The following PCDHGA2 variants were observed in gnomAD, a reference collection of about 807,000 sequenced individuals.
PCDHGA2 encodes protocadherin gamma-A2.
A neutral mutation model predicts 59.2 loss-of-function variants in PCDHGA2; 40 were observed. The ratio of observed to expected loss-of-function variants is 0.68; its 90% CI spans 0.52 to 0.88. The LOEUF (loss-of-function observed/expected upper bound fraction) is 0.88. Ranked by LOEUF, PCDHGA2 falls within the 40% of genes least tolerant of loss-of-function variation. PCDHGA2 has a pLI of 0.00. For missense variants in PCDHGA2, 1,226 were observed against 1,204.0 expected, an observed-to-expected ratio of 1.02 and a Z score of -0.27; for synonymous variants, 560 against 526.0, an observed-to-expected ratio of 1.06 and a Z score of -0.89.
chr5:141,358,072 C>T (rs1434661708), intron 1 of PCDHGA2, among the ~76,000 whole-genome samples: 2 of 152,178 alleles, frequency 1.3e-5, no homozygotes, highest in Non-Finnish European at 2.9e-5. Context: ...TGCCCGTAGT[C>T]CCAGCTACCC....
Position 141,489,471 on chromosome 5 carries a change from G to A in PCDHGA2, c.2425-5336G>A. ...AGGAGAATGGGCGCTATTTTTCCCT[G>A]AGCTTGATGAGTGGTGCCCTGGCAG... On this transcript the variant is annotated intron_variant, in intron 1 of 3. Transcript: ENST00000394576. This position sits in a 1 kb window ranked among gnomAD's most constrained non-coding sequence, Gnocchi z 4.5. 1 of 1,614,074 alleles carries A rather than the reference G, an allele frequency of 6.2e-7. No homozygotes were observed. The highest frequency in any genetic ancestry group is 8.5e-7 in the Non-Finnish European group (1 of 1,180,026).
chr5:141,339,456 T>A lies in PCDHGA2; in HGVS notation c.485T>A (p.Val162Glu). The A allele has an allele frequency of 6.2e-7, 1 of 1,614,246 alleles. No individual in the cohort carries two copies. Among genetic ancestry groups the A allele is most frequent in the Non-Finnish European group, 8.5e-7 (1 of 1,180,042 alleles). ...IPLKNAHDADVGENALQKYAL... is the reference protein window; with the variant it reads ...IPLKNAHDADEGENALQKYAL... Reference sequence around the variant, plus strand: ...CTTAAGAATGCGCATGATGCAGACGTAGGTGAGAACGCCCTTCAGAAGTAC... The same window carrying A: ...CTTAAGAATGCGCATGATGCAGACGAAGGTGAGAACGCCCTTCAGAAGTAC... The change falls in exon 1 of 4, where the codon GTA (valine) becomes GAA (glutamate). Residue 162 changes from valine (V) to glutamate (E), a missense_variant. By Grantham distance (121) the Val-to-Glu change is moderately radical. Coordinates refer to ENST00000394576, the MANE Select transcript of PCDHGA2 (RefSeq NM_018915.4).
chr5:141,487,811 A>C lies in PCDHGA2; in HGVS notation c.2425-6996A>C, dbSNP rs1389081995. 2 of 1,414,662 alleles carry C rather than the reference A, an allele frequency of 1.4e-6. No homozygotes were observed. The highest frequency in any genetic ancestry group is 1.9e-6 in the Non-Finnish European group (2 of 1,041,698). The allele number at this position is 1,414,662 out of a possible 1,614,324, so 87.6% of individuals were successfully genotyped here. On this transcript the variant is annotated intron_variant, in intron 1 of 3. Coordinates refer to ENST00000394576, the MANE Select transcript of PCDHGA2 (RefSeq NM_018915.4). This position sits in a 1 kb window ranked among gnomAD's most constrained non-coding sequence, Gnocchi z 5.0. ...TTAACCAGAGTTGTCACAGTTTAGC[A>C]TTGGGGGCGGGTCATGCCTATATCT...
intron 1 of PCDHGA2, chr5:141,394,749 G>C (rs1270810324): frequency 1.2e-6 from 2 of 1,613,424 alleles, no homozygotes; most frequent in Admixed American, 1.7e-5. Context: ...CGTGGTGGCC[G>C]TCCAGGACCA....
In PCDHGA2 at chr5:141,432,700, G is replaced by C. The variant is rs1320099367; in HGVS notation, c.2425-62107G>C. 4 of 1,613,980 alleles carry C rather than the reference G, an allele frequency of 2.5e-6. No individual in the cohort carries two copies. In the Admixed American group the frequency reaches 6.7e-5, roughly 27 times the overall value. ...AGCAGAGCCTCGTAGTGGCCGTCCA[G>C]GACCACGGCCAGCCCCCTCTCTCCG... On this transcript the variant is annotated intron_variant, in intron 1 of 3. Coordinates refer to ENST00000394576, the MANE Select transcript of PCDHGA2 (RefSeq NM_018915.4). The surrounding 1 kb of genome is among the most constrained non-coding windows in gnomAD (Gnocchi z 6.0).
chr5:141,415,873 G>A lies in PCDHGA2; in HGVS notation c.2424+74478G>A, dbSNP rs905638480. The A allele has an allele frequency of 9.6e-6, 10 of 1,046,220 alleles. No homozygotes were observed. In the East Asian group the frequency reaches 1.8e-4, roughly 19 times the overall value. The allele number at this position is 1,046,220 out of a possible 1,614,324, so 64.8% of individuals were successfully genotyped here. A position where few individuals can be genotyped will look rare whatever the true frequency, so the allele number is the denominator to read the frequency against. On this transcript the variant is annotated intron_variant, in intron 1 of 3. Transcript: ENST00000394576. ...ACCTTGTAGTTTATAGTGTTGTTGA[G>A]TACAATATTGACAATTCCTAAGACA...
chr5:141,505,341 A>T, intron 2 of PCDHGA2, 52 bp from the exon 3 acceptor site: 1 of 1,612,728 alleles, frequency 6.2e-7, no homozygotes, highest in Non-Finnish European at 8.5e-7. Flanking sequence ...CAGGAGGGGC[A>T]TGAGCTGTGC....
chr5:141,370,988 A>G (rs760427095), intron 1 of PCDHGA2: 1 of 1,613,750 alleles, frequency 6.2e-7, no homozygotes, highest in African/African-American at 1.3e-5. Flanking sequence ...TACTGAAAGC[A>G]CCCCTGGACA....
intron 1 of PCDHGA2, chr5:141,361,092 C>A: frequency 1.2e-6 from 2 of 1,613,938 alleles, no homozygotes; most frequent in Non-Finnish European, 1.7e-6. Context: ...CTCTGAGTAT[C>A]GAAGCAAAAG....
At position 141,402,911 on chromosome 5, in the gene PCDHGA2, C is replaced by CT. The variant is rs2094320554; in HGVS notation, c.2424+61516_2424+61517insT. 6 of 1,551,858 alleles carry CT rather than the reference C, an allele frequency of 3.9e-6. No homozygotes were observed. In the African/African-American group the frequency reaches 8.2e-5, roughly 21 times the overall value. ...GAAGAAAGAACCTGATGAAGCAGCG[C>CT]GCACAGAGATCCTTTTGAGAAAATT... On this transcript the variant is annotated intron_variant, in intron 1 of 3. Coordinates refer to ENST00000394576, the MANE Select transcript of PCDHGA2 (RefSeq NM_018915.4).
chr5:141,422,807 G>C (rs199507728), intron 1 of PCDHGA2: 7 of 1,614,198 alleles, frequency 4.3e-6, no homozygotes, highest in Non-Finnish European at 5.9e-6. Context: ...GAGCAGTTTC[G>C]AGACTTAGAA....
intron 1 of PCDHGA2, chr5:141,357,417 C>G: frequency 1.2e-6 from 2 of 1,614,254 alleles, no homozygotes; most frequent in Non-Finnish European, 1.7e-6. Flanking sequence ...CTGCCTCGCA[C>G]TTTGTGGGCG....
At chr5:141,381,397 A>G (rs1207743426) in intron 1 of PCDHGA2, among the ~76,000 whole-genome samples, 1 of 152,222 alleles carries the variant, frequency 6.6e-6, no homozygotes, top group Admixed American at 6.5e-5. Flanking sequence ...GTTTTACTCT[A>G]TCAACATCAG....
chr5:141,360,748 C>T (rs1352122566), intron 1 of PCDHGA2: 10 of 1,613,928 alleles, frequency 6.2e-6, no homozygotes, highest in Non-Finnish European at 8.5e-6. Context: ...CAGAGAAGAG[C>T]ACAGTTTACA....
At chr5:141,405,054 C>T (rs773491411) in intron 1 of PCDHGA2, 7 of 1,613,806 alleles carry the variant, frequency 4.3e-6, no homozygotes, top group Admixed American at 1.7e-5. Flanking sequence ...GCAGTCGTCT[C>T]CTGTGTCTTC....
chr5:141,357,669 G>C, intron 1 of PCDHGA2: 2 of 1,597,474 alleles, frequency 1.3e-6, no homozygotes, highest in Non-Finnish European at 1.7e-6. Flanking sequence ...TATAGACAAA[G>C]AGTTGTGTAA....
At chr5:141,441,663 G>A (rs777315226) in intron 1 of PCDHGA2, 20 of 260,482 alleles carry the variant, frequency 7.7e-5, no homozygotes, top group Non-Finnish European at 1.2e-4. Context: ...GTCCTTGAGC[G>A]CACAGTGCGC....
At chr5:141,390,355 T>C in intron 1 of PCDHGA2, 1 of 1,554,132 alleles carries the variant, frequency 6.4e-7, no homozygotes, top group Non-Finnish European at 8.8e-7. Flanking sequence ...AATATACATA[T>C]TTGCAGGAAA....
chr5:141,478,244 T>C lies in PCDHGA2; in HGVS notation c.2425-16563T>C, dbSNP rs758993366. ...TTCTGTGGGGTTTGTGGTCACAGTG[T>C]TCGGAGTAATCATATTCAAAGTTTA... On this transcript the variant is annotated intron_variant, in intron 1 of 3. Coordinates refer to ENST00000394576, the MANE Select transcript of PCDHGA2 (RefSeq NM_018915.4). 5 of 1,614,132 alleles carry C rather than the reference T, an allele frequency of 3.1e-6. No individual in the cohort carries two copies. In the South Asian group the frequency reaches 4.4e-5, roughly 14 times the overall value.
Sources: gnomAD v4.1 joint callset for allele counts (sites outside exome capture counted in the v4.1 genomes callset) on GRCh38, gnomAD v4.1.1 for gene constraint, Gnocchi (gnomAD v3.1) non-coding constraint, MANE v1.5 for transcripts, NCBI Gene and HGNC (gene_info 2026-07-23, HGNC 2026-07-21) for gene names.